THOC1: variants seen among roughly 807,000 people sequenced by gnomAD.
THOC1 encodes the protein THO complex subunit 1.
Under a neutral mutation model 97.3 loss-of-function variants are expected in THOC1, and 29 were observed. The observed-to-expected ratio is 0.30, with a 90% CI of 0.22 to 0.41. THOC1 has a LOEUF of 0.41. THOC1 is among the 10% of genes least tolerant of loss of function. THOC1 has a pLI of 1.00. For synonymous variants in THOC1, 255 were observed against 257.0 expected (o/e 0.99, Z 0.07); for missense variants, 529 against 761.9 (o/e 0.69, Z 3.60).
At chr18:255,692 T>A (rs969635451) in intron 7 of THOC1, among the ~76,000 whole-genome samples, 3 of 152,196 alleles carry the variant, frequency 2.0e-5, no homozygotes, top group Non-Finnish European at 4.4e-5. Flanking sequence ...CTCAACAGAT[T>A]TTTCAATGCA....
rs33979136 is a variant in THOC1 at position 217,593 on chromosome 18, T to TG, written c.1455-961dup. On this transcript the variant is annotated intron_variant, in intron 18 of 20. Transcript: ENST00000261600. The stretch of plus-strand genomic sequence containing the variant: ...ACCTGAGGCACAGTAAGGCAGGCAT[T>TG]GCTAGTGATAAACACACAAGGTATA... 6.4e-3 allele frequency among the ~76,000 whole-genome samples: 977 copies of TG among 152,234 alleles called. 8 individuals are homozygous for TG. The highest frequency in any genetic ancestry group is 0.022 in the African/African-American group (912 of 41,512).
intron 1 of THOC1, among the ~76,000 whole-genome samples, chr18:266,150 G>C (rs1399457125): frequency 6.6e-6 from 1 of 152,172 alleles, no homozygotes; most frequent in Non-Finnish European, 1.5e-5. Flanking sequence ...TTGTTTTAAA[G>C]TAATCATAAC....
intron 11 of THOC1, among the ~76,000 whole-genome samples, chr18:240,101 G>A (rs1911846857): frequency 6.6e-6 from 1 of 152,178 alleles, no homozygotes; most frequent in African/African-American, 2.4e-5. Context: ...TTCTGTTATA[G>A]TCAGTATTAA....
chr18:248,636 T>C (rs1370494899), intron 9 of THOC1, among the ~76,000 whole-genome samples: 1 of 152,252 alleles, frequency 6.6e-6, no homozygotes, highest in Non-Finnish European at 1.5e-5. Context: ...ATATGGTACA[T>C]ATCAAGTTAG....
intron 7 of THOC1, among the ~76,000 whole-genome samples, chr18:258,903 T>C (rs2143292231): frequency 6.6e-6 from 1 of 152,252 alleles, no homozygotes; most frequent in Non-Finnish European, 1.5e-5. Context: ...CATTATGAAA[T>C]ACGGATATGA....
chr18:240,007 T>C lies in THOC1; in HGVS notation c.918+6317A>G, dbSNP rs1911843449. Among the ~76,000 whole-genome samples, 3 of 152,320 alleles carry C rather than the reference T, an allele frequency of 2.0e-5. No homozygotes were observed. The South Asian group carries it at 6.2e-4, about 32-fold the overall frequency. On this transcript the variant is annotated intron_variant, in intron 11 of 20. Coordinates refer to ENST00000261600, the MANE Select transcript of THOC1 (RefSeq NM_005131.3). Reference sequence around the variant, plus strand: ...TAACATTTAAAATATGACTTTGTTATGCTTTTGTGTAATCATGACTATACA... The same window carrying C: ...TAACATTTAAAATATGACTTTGTTACGCTTTTGTGTAATCATGACTATACA...
Position 264,100 on chromosome 18 carries a change from C to G in THOC1, c.190-8G>C. On this transcript the variant is annotated splice_polypyrimidine_tract_variant and splice_region_variant and intron_variant, in intron 3 of 20. Transcript: ENST00000261600. ...ACATGATGAATGATTTATCTACCAACAGAGGAGAAACAATTTAATTTAGGG... is the reference window on the plus strand; with the variant it reads ...ACATGATGAATGATTTATCTACCAAGAGAGGAGAAACAATTTAATTTAGGG... The G allele has an allele frequency of 6.2e-7, 1 of 1,604,154 alleles. No homozygotes were observed.
intron 11 of THOC1, among the ~76,000 whole-genome samples, chr18:243,786 C>CT (rs1178617743): frequency 6.6e-6 from 1 of 152,084 alleles, no homozygotes; most frequent in Non-Finnish European, 1.5e-5. Flanking sequence ...TAGAATAAAA[C>CT]TTTTGAATTC....
chr18:263,377 C>G (rs1229393480), intron 4 of THOC1: 1 of 152,556 alleles, frequency 6.6e-6, no homozygotes, highest in East Asian at 1.9e-4. Context: ...CCGCGCCCGG[C>G]CTGCAGCTGC....
rs113747158 is a variant in THOC1 at position 215,387 on chromosome 18, G to A, written c.1678+42C>T. 2.9e-4 allele frequency: 426 copies of A among 1,481,978 alleles called. 3 individuals are homozygous for A. The African/African-American group carries it at 4.7e-3, about 16-fold the overall frequency. The allele number at this position is 1,481,978 out of a possible 1,614,324, so 91.8% of individuals were successfully genotyped here. A position where few individuals can be genotyped will look rare whatever the true frequency, so the allele number is the denominator to read the frequency against. On this transcript the variant is annotated intron_variant, in intron 20 of 20. Transcript: ENST00000261600. ...TACCTATCAACAAAGAACCCCAATCGTCTTCAATTTTGTTAAATAACCAAG... is the reference window on the plus strand; with the variant it reads ...TACCTATCAACAAAGAACCCCAATCATCTTCAATTTTGTTAAATAACCAAG...
chr18:229,042 C>T (rs1911392254), intron 11 of THOC1, among the ~76,000 whole-genome samples: 1 of 152,124 alleles, frequency 6.6e-6, no homozygotes, highest in South Asian at 2.1e-4. Flanking sequence ...CATTTCTTGG[C>T]CCCCAAAATG....
At chr18:249,474 C>A (rs770340324) in intron 9 of THOC1, among the ~76,000 whole-genome samples, 5 of 151,998 alleles carry the variant, frequency 3.3e-5, no homozygotes, top group Non-Finnish European at 5.9e-5. Flanking sequence ...CCAGCCTGAC[C>A]AACATACTGA....
Position 242,385 on chromosome 18 carries a change from C to T in THOC1, c.918+3939G>A, listed in dbSNP as rs192678348. On this transcript the variant is annotated intron_variant, in intron 11 of 20. Coordinates refer to ENST00000261600, the MANE Select transcript of THOC1 (RefSeq NM_005131.3). The surrounding 1 kb of genome is among the most constrained non-coding windows in gnomAD (Gnocchi z 4.5). ...CCCAGCTACTTGGGAGGCTGAGGCA[C>T]GAGAATCGCTTGAACCCAGGAGGTG... 8.1e-5 allele frequency among the ~76,000 whole-genome samples: 12 copies of T among 148,584 alleles called. No homozygotes were observed. In the East Asian group the frequency reaches 1.8e-3, roughly 22 times the overall value.
chr18:234,765 T>A (rs1434748337), intron 11 of THOC1, among the ~76,000 whole-genome samples: 5 of 90,742 alleles, frequency 5.5e-5, no homozygotes, highest in East Asian at 5.6e-4. Context: ...TCTCTATTTT[T>A]AAAAAAATTA....
intron 1 of THOC1, among the ~76,000 whole-genome samples, chr18:266,442 C>G (rs1168566998): frequency 6.6e-6 from 1 of 152,140 alleles, no homozygotes; most frequent in Non-Finnish European, 1.5e-5. Flanking sequence ...AGGCTCCCTT[C>G]CACACTTACT....
intron 3 of THOC1, among the ~76,000 whole-genome samples, chr18:264,703 G>C (rs111828658): frequency 2.0e-5 from 3 of 152,230 alleles, no homozygotes; most frequent in Admixed American, 6.5e-5. Flanking sequence ...AGACTTGTCT[G>C]AGAGAAAGGG....
intron 11 of THOC1, 26 bp downstream of exon 11, chr18:246,298 G>C (rs1912084800): frequency 2.0e-6 from 3 of 1,463,472 alleles, no homozygotes; most frequent in Non-Finnish European, 9.3e-7. Flanking sequence ...TTCTTATTAT[G>C]CTTAATGAAA....
intron 17 of THOC1, among the ~76,000 whole-genome samples, chr18:219,551 C>G (rs1911006373): frequency 6.6e-6 from 1 of 152,184 alleles, no homozygotes; most frequent in East Asian, 1.9e-4. Flanking sequence ...CTTTTAGTTA[C>G]AGTTTTGATT....
At chr18:235,318 T>C (rs1481000280) in intron 11 of THOC1, among the ~76,000 whole-genome samples, 1 of 152,158 alleles carries the variant, frequency 6.6e-6, no homozygotes, top group African/African-American at 2.4e-5. Flanking sequence ...ACTTTCAGTT[T>C]TGCTGATATG....
Sources: gnomAD v4.1 joint callset for allele counts (sites outside exome capture counted in the v4.1 genomes callset) on GRCh38, gnomAD v4.1.1 for gene constraint, Gnocchi (gnomAD v3.1) non-coding constraint, MANE v1.5 for transcripts, NCBI Gene and HGNC (gene_info 2026-07-23, HGNC 2026-07-21) for gene names.